The following RAPGEF6 variants were observed in gnomAD, a reference collection of about 807,000 sequenced individuals.
RAPGEF6 encodes Rap guanine nucleotide exchange factor 6, also known as PDZ domain containing guanine nucleotide exchange factor (GEF) 2.
RAPGEF6 carries 56 observed loss-of-function variants against 171.4 expected under a neutral mutation model. That is an observed-to-expected ratio of 0.33 (90% CI 0.26 to 0.41). The LOEUF (loss-of-function observed/expected upper bound fraction) is 0.41, where lower values mean the gene tolerates loss of function less well. RAPGEF6 is among the 10% of genes least tolerant of loss of function. The pLI is 1.00. For synonymous variants in RAPGEF6, 692 were observed against 650.1 expected, an observed-to-expected ratio of 1.06 and a Z score of -0.98; for missense variants, 1,674 against 1,921.4, an observed-to-expected ratio of 0.87 and a Z score of 2.41.
chr5:131,488,017 T>G (rs2149868971), intron 15 of RAPGEF6, among the ~76,000 whole-genome samples: 1 of 152,324 alleles, frequency 6.6e-6, no homozygotes, highest in East Asian at 1.9e-4. Flanking sequence ...ATTTTCTAAA[T>G]CTAAACATGA....
At chr5:131,518,228 T>C (rs1758227716) in intron 7 of RAPGEF6, among the ~76,000 whole-genome samples, 1 of 151,836 alleles carries the variant, frequency 6.6e-6, no homozygotes, top group African/African-American at 2.4e-5. Context: ...ATATATAAGA[T>C]TTTATACATA....
chr5:131,471,712 C>A (rs553324349), intron 17 of RAPGEF6, among the ~76,000 whole-genome samples: 1 of 151,528 alleles, frequency 6.6e-6, no homozygotes, highest in South Asian at 2.1e-4. Context: ...ATAACTGTGA[C>A]AATTTTTGCC....
Position 131,426,594 on chromosome 5 carries a change from C to A in RAPGEF6, c.*672G>T, listed in dbSNP as rs115760628. ...CTTCATTTGGCCTTCCACACCATGA[C>A]CAGCAGGTTCCTAACACCTCAACTG... On this transcript the variant is annotated 3_prime_UTR_variant, in exon 28 of 28. Coordinates refer to ENST00000509018, the MANE Select transcript of RAPGEF6 (RefSeq NM_016340.6). The A allele has an allele frequency of 0.014, 2,138 of 152,548 alleles. 27 individuals are homozygous for A. The highest frequency in any genetic ancestry group is 0.022 in the Non-Finnish European group (1,467 of 68,098). 9.4% of individuals were successfully genotyped at this position (152,548 alleles called of 1,614,324 possible). A position where few individuals can be genotyped will look rare whatever the true frequency, so the allele number is the denominator to read the frequency against.
At chr5:131,467,043 C>T (rs1051571016) in intron 17 of RAPGEF6, among the ~76,000 whole-genome samples, 2 of 152,144 alleles carry the variant, frequency 1.3e-5, no homozygotes, top group African/African-American at 2.4e-5. Context: ...GCCAGTGGTA[C>T]TGACTGACCT....
intron 16 of RAPGEF6, 80 bp from the exon 17 acceptor site, chr5:131,472,824 G>A (rs1165941445): frequency 2.4e-6 from 3 of 1,228,778 alleles, no homozygotes; most frequent in South Asian, 1.5e-5. Flanking sequence ...TGTGCACTAA[G>A]GCATAAAAGA....
At chr5:131,457,836 T>C (rs1054441296) in intron 19 of RAPGEF6, among the ~76,000 whole-genome samples, 1 of 151,468 alleles carries the variant, frequency 6.6e-6, no homozygotes, top group Admixed American at 6.6e-5. Flanking sequence ...CAGATGAAAA[T>C]AGACAAAATA....
intron 17 of RAPGEF6, among the ~76,000 whole-genome samples, chr5:131,467,420 A>G (rs1754435959): frequency 6.6e-6 from 1 of 152,228 alleles, no homozygotes; most frequent in Admixed American, 6.5e-5. Flanking sequence ...AAAGCAATGG[A>G]GAGCCATCAG....
chr5:131,611,649 G>A (rs1051114495), intron 1 of RAPGEF6, among the ~76,000 whole-genome samples: 6 of 152,306 alleles, frequency 3.9e-5, no homozygotes, highest in South Asian at 2.1e-4. Flanking sequence ...TCCAATCTGC[G>A]TGACAGAGTG....
Position 131,464,280 on chromosome 5 carries a change from A to C in RAPGEF6, c.2241T>G (p.Asp747Glu). 1 of 1,606,840 alleles carries C rather than the reference A, an allele frequency of 6.2e-7. No individual in the cohort carries two copies. Among genetic ancestry groups the C allele is most frequent in the Non-Finnish European group, 8.5e-7 (1 of 1,174,886 alleles). ...AAACTCTTATAACTTGATCAGGGAT[A>C]TCTACATAAATAGAAAGATATGCTT... ...TSMLDFSNPS[D>E]IPDQVIRVFK... Residue 747 changes from aspartate (D) to glutamate (E), a missense_variant and splice_region_variant, in exon 18 of 28, where the codon GAT (aspartate) becomes GAG (glutamate). By Grantham distance (45) the Asp-to-Glu change is conservative. This residue lies in a region of RAPGEF6 where 1,116 missense variants were observed against 1,321.5 expected (regional missense o/e 0.84). Coordinates refer to ENST00000509018, the MANE Select transcript of RAPGEF6 (RefSeq NM_016340.6).
At chr5:131,555,797 T>C (rs1215256140) in intron 5 of RAPGEF6, among the ~76,000 whole-genome samples, 1 of 152,148 alleles carries the variant, frequency 6.6e-6, no homozygotes, top group Non-Finnish European at 1.5e-5. Context: ...TGCGTCTATA[T>C]ACACACATAT....
intron 1 of RAPGEF6, among the ~76,000 whole-genome samples, chr5:131,611,275 A>G (rs1292202352): frequency 6.6e-6 from 1 of 152,228 alleles, no homozygotes; most frequent in African/African-American, 2.4e-5. Context: ...TTCTAACAGA[A>G]CCCAGACTAA....
At chr5:131,604,966 A>C (rs904056510) in intron 1 of RAPGEF6, among the ~76,000 whole-genome samples, 1 of 152,196 alleles carries the variant, frequency 6.6e-6, no homozygotes, top group Non-Finnish European at 1.5e-5. Flanking sequence ...AAAGTATATT[A>C]ATTCATTATT....
chr5:131,549,117 T>C (rs907122336), intron 5 of RAPGEF6, among the ~76,000 whole-genome samples: 5 of 152,164 alleles, frequency 3.3e-5, no homozygotes, highest in African/African-American at 7.2e-5. Flanking sequence ...TAGACCTATC[T>C]AGCTCAACAG....
intron 15 of RAPGEF6, among the ~76,000 whole-genome samples, chr5:131,482,856 G>C (rs910253800): frequency 6.6e-6 from 1 of 152,146 alleles, no homozygotes; most frequent in Non-Finnish European, 1.5e-5. Flanking sequence ...GTAATCTTAG[G>C]TAGAGAAAAT....
At chr5:131,525,894 T>C (rs1435400398) in intron 6 of RAPGEF6, among the ~76,000 whole-genome samples, 2 of 152,110 alleles carry the variant, frequency 1.3e-5, no homozygotes, top group Non-Finnish European at 2.9e-5. Context: ...TACTGAGCAA[T>C]CTTCACCCTC....
At position 131,427,310 on chromosome 5, in the gene RAPGEF6, T is replaced by C. The variant is rs2149802351; in HGVS notation, c.4781-19A>G. 5 of 1,584,190 alleles carry C rather than the reference T, an allele frequency of 3.2e-6. No individual in the cohort carries two copies. Among genetic ancestry groups the C allele is most frequent in the Non-Finnish European group, 4.3e-6 (5 of 1,154,888 alleles). On this transcript the variant is annotated intron_variant, in intron 27 of 27. Transcript: ENST00000509018. The stretch of plus-strand genomic sequence containing the variant: ...TCATTTTCTGAAAATAAAAAATATA[T>C]AATTAACTGGCAGATCAGCATATTA...
intron 17 of RAPGEF6, among the ~76,000 whole-genome samples, chr5:131,466,384 A>G (rs1352149139): frequency 6.6e-6 from 1 of 152,164 alleles, no homozygotes; most frequent in African/African-American, 2.4e-5. Context: ...AGGTTTTTAA[A>G]CCTACAAGAC....
chr5:131,494,335 A>G (rs1394802643), intron 13 of RAPGEF6, among the ~76,000 whole-genome samples: 1 of 152,250 alleles, frequency 6.6e-6, no homozygotes, highest in Non-Finnish European at 1.5e-5. Flanking sequence ...TATATCTGAC[A>G]GGGAGTTTAA....
intron 4 of RAPGEF6, among the ~76,000 whole-genome samples, chr5:131,577,822 G>A (rs1481772125): frequency 3.9e-5 from 6 of 152,054 alleles, no homozygotes; most frequent in African/African-American, 4.8e-5. Context: ...AAACTCACTC[G>A]CATTTCTGAA....
Sources: allele counts gnomAD v4.1 joint callset (sites outside exome capture counted in the v4.1 genomes callset), GRCh38; gene constraint gnomAD v4.1.1; regional missense constraint gnomAD v4.1.1; transcripts MANE v1.5; gene names NCBI Gene and HGNC (gene_info 2026-07-23, HGNC 2026-07-21).